Variants in NSMCE2 observed in about 807,000 individuals in gnomAD.
The protein encoded by NSMCE2 is NSE2 SUMO ligase component of SMC5/6 complex, also known as E3 SUMO-protein ligase NSE2.
NSMCE2 carries 24 observed loss-of-function variants against 23.8 expected under a neutral mutation model. That is an observed-to-expected ratio of 1.01 (90% CI 0.73 to 1.42). The LOEUF (loss-of-function observed/expected upper bound fraction) is 1.42. Ranked by LOEUF, NSMCE2 falls within the 40% of genes most tolerant of loss-of-function variation. NSMCE2 has a pLI of 0.00. For synonymous variants in NSMCE2, 92 were observed against 94.1 expected (o/e 0.98, Z 0.13); for missense variants, 284 against 296.5 (o/e 0.96, Z 0.31).
Position 125,190,900 on chromosome 8 carries a change from C to A in NSMCE2, c.418+8644C>A, listed in dbSNP as rs572208495. ...ATGATTATTTTTTGAGATGGAGTTTCGCTCTTATTGCCCAGGTTGGAGTGC... is the reference window on the plus strand; with the variant it reads ...ATGATTATTTTTTGAGATGGAGTTTAGCTCTTATTGCCCAGGTTGGAGTGC... On this transcript the variant is annotated intron_variant, in intron 5 of 7. Transcript: ENST00000287437. 2.0e-5 allele frequency among the ~76,000 whole-genome samples: 3 copies of A among 152,188 alleles called. No homozygotes were observed. The East Asian group carries it at 5.8e-4, about 29-fold the overall frequency.
intron 5 of NSMCE2, among the ~76,000 whole-genome samples, chr8:125,331,687 A>G (rs866131718): frequency 3.3e-5 from 5 of 152,240 alleles, no homozygotes; most frequent in Middle Eastern, 3.4e-3. Flanking sequence ...ATCAGACCAC[A>G]TTGTTAGAAG....
chr8:125,104,172 T>G (rs189333694), intron 3 of NSMCE2, among the ~76,000 whole-genome samples: 1 of 152,274 alleles, frequency 6.6e-6, no homozygotes, highest in East Asian at 1.9e-4. Flanking sequence ...GTAATTTTAG[T>G]AGAGACGGAG....
intron 5 of NSMCE2, among the ~76,000 whole-genome samples, chr8:125,184,027 A>C (rs563475921): frequency 8.3e-4 from 126 of 152,250 alleles, no homozygotes; most frequent in South Asian, 2.1e-3. Context: ...CTTGAAAAAA[A>C]AAAGATGCTA....
intron 5 of NSMCE2, among the ~76,000 whole-genome samples, chr8:125,352,748 T>G (rs745626468): frequency 6.6e-6 from 1 of 152,224 alleles, no homozygotes; most frequent in Non-Finnish European, 1.5e-5. Flanking sequence ...ACCAGACTTA[T>G]CACAAAGTTT....
intron 5 of NSMCE2, among the ~76,000 whole-genome samples, chr8:125,356,291 G>T (rs1433614778): frequency 2.0e-5 from 3 of 149,376 alleles, no homozygotes; most frequent in African/African-American, 7.4e-5. Flanking sequence ...ATGGTAACAC[G>T]TAGTGGGATT....
intron 5 of NSMCE2, 41 bp from the exon 6 acceptor site, chr8:125,357,178 G>A (rs368303019): frequency 2.6e-5 from 34 of 1,305,038 alleles, no homozygotes; most frequent in South Asian, 8.3e-5. Context: ...TTTCTTTGAC[G>A]TTAGACCAGA....
chr8:125,244,005 C>T (rs1194083688), intron 5 of NSMCE2, among the ~76,000 whole-genome samples: 1 of 151,700 alleles, frequency 6.6e-6, no homozygotes, highest in Non-Finnish European at 1.5e-5. Flanking sequence ...GAATAAAGAA[C>T]TCAAGAAAGG....
intron 5 of NSMCE2, among the ~76,000 whole-genome samples, chr8:125,326,964 AAAAG>A (rs1563787195): frequency 6.8e-6 from 1 of 147,922 alleles, no homozygotes; most frequent in African/African-American, 2.5e-5. Flanking sequence ...TTCAAAAAAA[AAAAG>A]AGAGAGAGAG....
chr8:125,218,414 G>GTTTTT (rs34237629), intron 5 of NSMCE2, among the ~76,000 whole-genome samples: 2 of 141,594 alleles, frequency 1.4e-5, no homozygotes, highest in African/African-American at 5.2e-5. Context: ...AAAATTGAGG[G>GTTTTT]TTTTTTTTTT....
At chr8:125,258,564 A>G (rs1189066348) in intron 5 of NSMCE2, among the ~76,000 whole-genome samples, 3 of 152,196 alleles carry the variant, frequency 2.0e-5, no homozygotes, top group Non-Finnish European at 4.4e-5. Flanking sequence ...GTTTAAGACA[A>G]CAGATGGAGC....
intron 7 of NSMCE2, among the ~76,000 whole-genome samples, chr8:125,359,383 G>C (rs1187684302): frequency 6.9e-6 from 1 of 144,422 alleles, no homozygotes; most frequent in Non-Finnish European, 1.5e-5. Flanking sequence ...GCCCAGGCTG[G>C]AGTGCAATGG....
At chr8:125,202,210 C>G (rs1273809645) in intron 5 of NSMCE2, among the ~76,000 whole-genome samples, 1 of 152,240 alleles carries the variant, frequency 6.6e-6, no homozygotes, top group Non-Finnish European at 1.5e-5. Flanking sequence ...CCTTGCCCTC[C>G]ATGGGCTGCA....
At position 125,164,145 on chromosome 8, in the gene NSMCE2, A is replaced by G. The variant is rs563816351; in HGVS notation, c.264+12868A>G. 3.1e-3 allele frequency among the ~76,000 whole-genome samples: 470 copies of G among 152,312 alleles called. 2 individuals are homozygous for G. The highest frequency in any genetic ancestry group is 0.011 in the African/African-American group (444 of 41,556). On this transcript the variant is annotated intron_variant, in intron 4 of 7. Coordinates refer to ENST00000287437, the MANE Select transcript of NSMCE2 (RefSeq NM_173685.4). ...CCCTTTGACTGAAATTCTGAAACCA[A>G]CATTCTTTCCCTCAGTGAAAGGGTG...
chr8:125,137,542 T>A (rs533841318), intron 3 of NSMCE2, among the ~76,000 whole-genome samples: 79 of 152,308 alleles, frequency 5.2e-4, no homozygotes, highest in Non-Finnish European at 1.1e-3. Flanking sequence ...TACTTGATAT[T>A]TTTGTTCTTG....
At chr8:125,200,526 T>C (rs899050079) in intron 5 of NSMCE2, among the ~76,000 whole-genome samples, 15 of 152,354 alleles carry the variant, frequency 9.8e-5, no homozygotes, top group African/African-American at 3.1e-4. Context: ...GCTTGTAAGA[T>C]TTCTGCTGAG....
intron 3 of NSMCE2, among the ~76,000 whole-genome samples, chr8:125,111,504 T>G (rs1019011894): frequency 6.6e-6 from 1 of 152,214 alleles, no homozygotes; most frequent in African/African-American, 2.4e-5. Flanking sequence ...CCTTTCATGT[T>G]CAAAATGTTT....
At chr8:125,337,884 C>CAAAAAAAAAAAAAAAAAAA (rs35658538) in intron 5 of NSMCE2, among the ~76,000 whole-genome samples, 1 of 97,388 alleles carries the variant, frequency 1.0e-5, no homozygotes, top group Non-Finnish European at 2.0e-5. Flanking sequence ...AACTCTATCT[C>CAAAAAAAAAAAAAAAAAAA]AAAAAAAAAA....
chr8:125,263,047 A>C (rs548482690), intron 5 of NSMCE2, among the ~76,000 whole-genome samples: 2 of 152,296 alleles, frequency 1.3e-5, no homozygotes, highest in Non-Finnish European at 2.9e-5. Context: ...CCTCATAATG[A>C]GGTAGCTGGG....
At chr8:125,141,787 G>A (rs1820385292) in intron 3 of NSMCE2, among the ~76,000 whole-genome samples, 1 of 152,178 alleles carries the variant, frequency 6.6e-6, no homozygotes, top group Admixed American at 6.5e-5. Flanking sequence ...TCAAGACACA[G>A]TTCAAGTTTG....
Sources: allele counts gnomAD v4.1 joint callset (sites outside exome capture counted in the v4.1 genomes callset), GRCh38; gene constraint gnomAD v4.1.1; transcripts MANE v1.5; gene names NCBI Gene and HGNC (gene_info 2026-07-23, HGNC 2026-07-21).